The following LRRK1 variants were observed in gnomAD, a reference collection of about 807,000 sequenced individuals.
LRRK1 encodes leucine rich repeat kinase 1, also known as leucine-rich repeat serine/threonine-protein kinase 1.
Under a neutral mutation model 209.1 loss-of-function variants are expected in LRRK1, and 113 were observed. The ratio of observed to expected loss-of-function variants is 0.54; its 90% CI spans 0.46 to 0.63. The LOEUF (loss-of-function observed/expected upper bound fraction) is 0.63. Ranked by LOEUF, LRRK1 falls within the 30% of genes least tolerant of loss-of-function variation. The pLI, the probability that LRRK1 is intolerant of heterozygous loss-of-function variation, is 0.00. For missense variants in LRRK1, 2,284 were observed against 2,632.2 expected, an observed-to-expected ratio of 0.87 and a Z score of 2.89; for synonymous variants, 1,144 against 1,099.7, an observed-to-expected ratio of 1.04 and a Z score of -0.80.
chr15:101,067,861 C>G (rs1567294265), intron 33 of LRRK1, among the ~76,000 whole-genome samples: 1 of 152,252 alleles, frequency 6.6e-6, no homozygotes, highest in Non-Finnish European at 1.5e-5. Context: ...CATTAATGTC[C>G]TAACGTTTAG....
chr15:101,060,863 C>T (rs541256996), intron 29 of LRRK1, among the ~76,000 whole-genome samples: 4 of 152,374 alleles, frequency 2.6e-5, no homozygotes, highest in African/African-American at 4.8e-5. Flanking sequence ...AGGAGCTCCC[C>T]GCATAACAGG....
Position 101,073,535 on chromosome 15 carries a change from G to A in LRRK1, c.*4687G>A, listed in dbSNP as rs988406882. 6.6e-6 allele frequency: 1 copy of A among 151,860 alleles called. No homozygotes were observed. The highest frequency in any genetic ancestry group is 1.5e-5 in the Non-Finnish European group (1 of 68,004). The allele number at this position is 151,860 out of a possible 1,614,324, so 9.4% of individuals were successfully genotyped here. ...AGCGGCAAGTCCCGCTTTTCTAGAG[G>A]AGGAGCAAGTACTCCAACCTCATAT... is the stretch of plus-strand genomic sequence containing the variant. On this transcript the variant is annotated 3_prime_UTR_variant, in exon 34 of 34. Transcript: ENST00000388948.
chr15:100,983,754 C>T, intron 4 of LRRK1, 55 bp downstream of exon 4: 3 of 1,517,194 alleles, frequency 2.0e-6, no homozygotes, highest in Non-Finnish European at 2.7e-6. Context: ...TCTTCTTAGG[C>T]TTCACCCCAA....
chr15:100,949,123 C>A (rs1401708212), intron 2 of LRRK1, among the ~76,000 whole-genome samples: 1 of 151,914 alleles, frequency 6.6e-6, no homozygotes, highest in African/African-American at 2.4e-5. Context: ...TGTTGACAAA[C>A]CTTTAGTTAG....
At chr15:100,949,459 G>A (rs571901739) in intron 2 of LRRK1, among the ~76,000 whole-genome samples, 1 of 152,078 alleles carries the variant, frequency 6.6e-6, no homozygotes, top group Non-Finnish European at 1.5e-5. Context: ...ATTTAAAGAA[G>A]AGTTAACATC....
chr15:101,005,781 G>A (rs912812235), intron 6 of LRRK1, among the ~76,000 whole-genome samples: 5 of 146,782 alleles, frequency 3.4e-5, no homozygotes, highest in African/African-American at 1.3e-4. Context: ...GGGATGACTT[G>A]GGTGTCAAAA....
chr15:100,968,759 TCCTTCCCTTCC>T (rs2030655981), intron 2 of LRRK1, among the ~76,000 whole-genome samples: 1 of 148,612 alleles, frequency 6.7e-6, no homozygotes, highest in African/African-American at 2.5e-5. Flanking sequence ...TTTCTTTCCT[TCCTTCCCTTCC>T]CCTTTCCTTC....
intron 2 of LRRK1, among the ~76,000 whole-genome samples, chr15:100,928,323 G>A (rs1040858199): frequency 4.6e-5 from 7 of 152,156 alleles, no homozygotes; most frequent in African/African-American, 1.2e-4. Flanking sequence ...TGATCCCCCC[G>A]CAGGACTCAC....
intron 6 of LRRK1, among the ~76,000 whole-genome samples, chr15:101,002,681 T>G (rs1444963087): frequency 1.3e-5 from 2 of 152,218 alleles, no homozygotes; most frequent in Non-Finnish European, 2.9e-5. Context: ...TAATGAGGGC[T>G]TCAGGGCTGG....
intron 6 of LRRK1, among the ~76,000 whole-genome samples, chr15:100,995,097 G>A (rs1008010342): frequency 6.6e-6 from 1 of 152,330 alleles, no homozygotes; most frequent in Non-Finnish European, 1.5e-5. Context: ...CACGTGTGAC[G>A]GAGGTTGTTG....
chr15:100,932,842 C>G (rs1320555493), intron 2 of LRRK1, among the ~76,000 whole-genome samples: 3 of 152,204 alleles, frequency 2.0e-5, no homozygotes, highest in African/African-American at 7.2e-5. Flanking sequence ...CCCCATCTAT[C>G]TGCTGCTCCC....
chr15:101,068,372 C>G (rs919745119), intron 33 of LRRK1, among the ~76,000 whole-genome samples: 3 of 152,116 alleles, frequency 2.0e-5, no homozygotes, highest in African/African-American at 7.2e-5. Flanking sequence ...GGAGCTGAGT[C>G]AAGGATGCAT....
intron 2 of LRRK1, among the ~76,000 whole-genome samples, chr15:100,945,057 A>G (rs564793935): frequency 6.6e-5 from 10 of 152,328 alleles, no homozygotes; most frequent in Admixed American, 3.3e-4. Flanking sequence ...ACATGGATGC[A>G]ACTCAGTTAT....
chr15:101,052,036 T>C (rs911776695), intron 24 of LRRK1, 76 bp downstream of exon 24: 152 of 1,538,716 alleles, frequency 9.9e-5, no homozygotes, highest in Non-Finnish European at 1.3e-4. Context: ...TGCCGAGTGA[T>C]CTCCAGGAAG....
chr15:100,936,117 G>T (rs1289811949), intron 2 of LRRK1, among the ~76,000 whole-genome samples: 1 of 152,210 alleles, frequency 6.6e-6, no homozygotes, highest in Non-Finnish European at 1.5e-5. Flanking sequence ...TACGGGTTAG[G>T]TGAGTGACGA....
In LRRK1 at chr15:101,068,841, G is replaced by T. The variant is rs1209685115; in HGVS notation, c.6041G>T (p.Arg2014Ile). ...CGGCTGGAGGCTTGCACTCGCAAGA[G>T]AAGGTAATTCCTGTGGAATGACTGT... The part of the protein sequence containing the change: ...LGRLEACTRK[R>I]R The change falls in exon 34 of 34, where the codon AGA (arginine) becomes ATA (isoleucine). Residue 2014 changes from arginine (R) to isoleucine (I), a missense_variant. Arg to Ile is a moderately conservative substitution (Grantham distance 97). Around this residue, in one of 6 missense-constraint regions of LRRK1, gnomAD observed 643 missense variants for 695.9 expected, o/e 0.92. Transcript: ENST00000388948. The T allele has an allele frequency of 6.2e-7, 1 of 1,600,164 alleles. No individual in the cohort carries two copies. Among genetic ancestry groups the T allele is most frequent in the Non-Finnish European group, 8.5e-7 (1 of 1,173,182 alleles).
chr15:100,969,458 G>A (rs1433639622), intron 2 of LRRK1, among the ~76,000 whole-genome samples: 2 of 151,860 alleles, frequency 1.3e-5, no homozygotes, highest in East Asian at 3.9e-4. Context: ...TTATGTTTAG[G>A]TCCATGATTC....
chr15:101,011,424 C>T (rs1372899081), intron 9 of LRRK1, among the ~76,000 whole-genome samples: 3 of 147,810 alleles, frequency 2.0e-5, no homozygotes, highest in African/African-American at 5.0e-5. Context: ...TGCAGTGAGC[C>T]GAGATTGCAC....
chr15:101,011,685 G>A (rs370352663), intron 9 of LRRK1, among the ~76,000 whole-genome samples: 4 of 152,132 alleles, frequency 2.6e-5, no homozygotes, highest in African/African-American at 7.2e-5. Context: ...TTGGCCATTC[G>A]TGTAGGGGAA....
Sources: gnomAD v4.1 joint callset for allele counts (sites outside exome capture counted in the v4.1 genomes callset) on GRCh38, gnomAD v4.1.1 for gene constraint, gnomAD v4.1.1 regional missense constraint, MANE v1.5 for transcripts, NCBI Gene and HGNC (gene_info 2026-07-23, HGNC 2026-07-21) for gene names.